Variants in FAF1 observed in about 807,000 individuals in gnomAD.
FAF1 encodes the protein FAS-associated factor 1.
FAF1 carries 25 observed loss-of-function variants against 92.5 expected under a neutral mutation model. The ratio of observed to expected loss-of-function variants is 0.27; its 90% CI spans 0.20 to 0.38. FAF1 has a LOEUF of 0.38. Among genes scored for constraint, FAF1 ranks in the 10% least tolerant of loss-of-function variants. The pLI is 1.00. For missense variants in FAF1, 636 were observed against 793.3 expected (o/e 0.80, Z 2.38); for synonymous variants, 234 against 273.2 (o/e 0.86, Z 1.42).
chr1:50,818,357 C>A (rs981518666), intron 2 of FAF1, among the ~76,000 whole-genome samples: 4 of 152,126 alleles, frequency 2.6e-5, no homozygotes, highest in African/African-American at 9.7e-5. Flanking sequence ...CTAAATAAAA[C>A]TCTCATATAA....
intron 7 of FAF1, among the ~76,000 whole-genome samples, chr1:50,687,367 A>C (rs980907072): frequency 1.3e-5 from 2 of 151,990 alleles, no homozygotes; most frequent in African/African-American, 4.8e-5. Flanking sequence ...AAAAAAAAAA[A>C]AAAAAACCCA....
At chr1:50,549,292 A>G (rs182218500) in intron 13 of FAF1, among the ~76,000 whole-genome samples, 12 of 152,204 alleles carry the variant, frequency 7.9e-5, no homozygotes, top group Non-Finnish European at 1.2e-4. Context: ...TGCCAAATTT[A>G]GAGACTTTGT....
At chr1:50,589,299 T>C (rs1034878726) in intron 9 of FAF1, among the ~76,000 whole-genome samples, 1 of 152,046 alleles carries the variant, frequency 6.6e-6, no homozygotes, top group Admixed American at 6.5e-5. Flanking sequence ...GGGGTGGCTC[T>C]GGGGAGGAGG....
intron 2 of FAF1, among the ~76,000 whole-genome samples, chr1:50,811,925 C>T (rs1191005542): frequency 6.6e-6 from 1 of 152,100 alleles, no homozygotes; most frequent in African/African-American, 2.4e-5. Context: ...CAACAACCAC[C>T]AGATCTTTGA....
At chr1:50,948,494 G>A (rs924770701) in intron 1 of FAF1, among the ~76,000 whole-genome samples, 1 of 151,898 alleles carries the variant, frequency 6.6e-6, no homozygotes, top group Non-Finnish European at 1.5e-5. Flanking sequence ...AGAGAAAATG[G>A]TGAAGATCTC....
At chr1:50,805,917 T>A (rs1156491256) in intron 2 of FAF1, among the ~76,000 whole-genome samples, 2 of 152,034 alleles carry the variant, frequency 1.3e-5, no homozygotes, top group African/African-American at 4.8e-5. Context: ...TTCATTTAAC[T>A]CTCACATTAC....
intron 7 of FAF1, among the ~76,000 whole-genome samples, chr1:50,664,291 C>G (rs562963200): frequency 1.3e-5 from 2 of 149,960 alleles, no homozygotes; most frequent in African/African-American, 5.0e-5. Context: ...CCACTGTGCC[C>G]GGCCAATCTT....
chr1:50,845,682 G>A (rs1387962280), intron 2 of FAF1, among the ~76,000 whole-genome samples: 3 of 152,018 alleles, frequency 2.0e-5, no homozygotes, highest in African/African-American at 7.2e-5. Flanking sequence ...TTTCTATTCA[G>A]TAGGCTGAAC....
At chr1:50,520,489 C>G (rs1240230735) in intron 15 of FAF1, among the ~76,000 whole-genome samples, 1 of 152,172 alleles carries the variant, frequency 6.6e-6, no homozygotes, top group Non-Finnish European at 1.5e-5. Context: ...CCCAATCTTG[C>G]AATCATCTCT....
At chr1:50,843,078 C>T (rs755876578) in intron 2 of FAF1, among the ~76,000 whole-genome samples, 2 of 152,118 alleles carry the variant, frequency 1.3e-5, no homozygotes, top group African/African-American at 4.8e-5. Flanking sequence ...AATATCACAG[C>T]AGGTGATGGA....
chr1:50,653,145 T>C (rs1442788523), intron 8 of FAF1, among the ~76,000 whole-genome samples: 3 of 151,344 alleles, frequency 2.0e-5, no homozygotes, highest in Non-Finnish European at 2.9e-5. Flanking sequence ...ACATTTTCTA[T>C]CAAATTTCTC....
At chr1:50,748,150 T>C (rs112914273) in intron 4 of FAF1, among the ~76,000 whole-genome samples, 157 of 152,290 alleles carry the variant, frequency 1.0e-3, no homozygotes, top group African/African-American at 3.5e-3. Flanking sequence ...ACTTGAAGTA[T>C]AGTTGGTCTG....
chr1:50,542,835 A>G (rs1648823527), intron 13 of FAF1, among the ~76,000 whole-genome samples: 1 of 152,206 alleles, frequency 6.6e-6, no homozygotes, highest in African/African-American at 2.4e-5. Flanking sequence ...TAAAATTACA[A>G]ATTTGAAAAG....
intron 9 of FAF1, among the ~76,000 whole-genome samples, chr1:50,587,966 C>A (rs375322293): frequency 6.6e-6 from 1 of 152,138 alleles, no homozygotes; most frequent in African/African-American, 2.4e-5. Context: ...CACCAACTAC[C>A]TATTATGTCA....
intron 18 of FAF1, among the ~76,000 whole-genome samples, chr1:50,474,652 G>A (rs1646616838): frequency 6.6e-6 from 1 of 152,074 alleles, no homozygotes; most frequent in Admixed American, 6.5e-5. Context: ...AGCTTAATTC[G>A]ACCATAACCT....
chr1:50,695,978 G>C (rs1183308429), intron 7 of FAF1, among the ~76,000 whole-genome samples: 1 of 141,652 alleles, frequency 7.1e-6, no homozygotes, highest in Non-Finnish European at 1.5e-5. Context: ...TTAACTACTT[G>C]GTATTAAATG....
intron 7 of FAF1, among the ~76,000 whole-genome samples, chr1:50,681,312 G>T (rs540709840): frequency 4.6e-5 from 7 of 152,226 alleles, no homozygotes; most frequent in Non-Finnish European, 1.0e-4. Flanking sequence ...CTCCCAAAAT[G>T]CTGGGATTAC....
intron 15 of FAF1, among the ~76,000 whole-genome samples, chr1:50,493,707 T>A (rs1204381956): frequency 2.0e-5 from 3 of 152,232 alleles, no homozygotes; most frequent in Admixed American, 2.0e-4. Context: ...AGGTGTTTAA[T>A]AAGCATATGT....
intron 7 of FAF1, among the ~76,000 whole-genome samples, chr1:50,663,996 ATC>A (rs1463979993): frequency 7.0e-6 from 1 of 142,522 alleles, no homozygotes; most frequent in Non-Finnish European, 1.5e-5. Context: ...AAATCTGTTA[ATC>A]TTTTTTTTTT....
Sources: allele counts gnomAD v4.1 joint callset (sites outside exome capture counted in the v4.1 genomes callset), GRCh38; gene constraint gnomAD v4.1.1; transcripts MANE v1.5; gene names NCBI Gene and HGNC (gene_info 2026-07-23, HGNC 2026-07-21).